BRSK2: variants seen among roughly 807,000 people sequenced by gnomAD.
BRSK2 encodes serine/threonine-protein kinase BRSK2.
In BRSK2, 19 loss-of-function variants were observed where a neutral mutation model predicts 83.3. The ratio of observed to expected loss-of-function variants is 0.23; its 90% confidence interval spans 0.16 to 0.33. The LOEUF (loss-of-function observed/expected upper bound fraction) is 0.33, where lower values mean the gene tolerates loss of function less well. Ranked by LOEUF, BRSK2 falls within the 10% of genes least tolerant of loss-of-function variation. The probability of loss-of-function intolerance (pLI) is 1.00; values close to 1 mark genes in which losing one functional copy is unlikely to be tolerated. For missense variants in BRSK2, 798 were observed against 1,042.3 expected, an observed-to-expected ratio of 0.77 and a Z score of 3.23; for synonymous variants, 519 against 435.4, an observed-to-expected ratio of 1.19 and a Z score of -2.39.
chr11:1,406,747 G>T (rs115819651), intron 1 of BRSK2, among the ~76,000 whole-genome samples: 4 of 152,186 alleles, frequency 2.6e-5, no homozygotes, highest in Non-Finnish European at 5.9e-5. Flanking sequence ...TGGGCCTGTC[G>T]CTGGGCCACA....
chr11:1,418,881 C>G (rs1036902161), intron 1 of BRSK2, among the ~76,000 whole-genome samples: 1 of 152,254 alleles, frequency 6.6e-6, no homozygotes, highest in African/African-American at 2.4e-5. Flanking sequence ...TCAGCTCTAA[C>G]ACATATCCAA....
Position 1,461,411 on chromosome 11 carries a change from C to G in BRSK2, c.*688C>G, listed in dbSNP as rs573546041. On this transcript the variant is annotated 3_prime_UTR_variant, in exon 20 of 20. Transcript: ENST00000528841. ...CTGCCTCCCGTCCTCTCGTCTCACC[C>G]GCGCCTCCCTTGCCTCATCTGGGGC... 1.2e-5 allele frequency: 3 copies of G among 257,112 alleles called. No individual in the cohort carries two copies. Among genetic ancestry groups the G allele is most frequent in the Admixed American group, 5.8e-5 (1 of 17,204 alleles). 15.9% of individuals were successfully genotyped at this position (257,112 alleles called of 1,614,324 possible).
At chr11:1,453,162 A>C (rs545633799) in intron 15 of BRSK2, among the ~76,000 whole-genome samples, 44 of 152,360 alleles carry the variant, frequency 2.9e-4, no homozygotes, top group Middle Eastern at 3.4e-3. Context: ...AGTTCGTCTC[A>C]TCTAAAAATA....
intron 14 of BRSK2, 84 bp downstream of exon 14, chr11:1,450,878 A>G: frequency 1.5e-6 from 2 of 1,346,330 alleles, no homozygotes; most frequent in Non-Finnish European, 2.0e-6. Flanking sequence ...GCAGTGCCAG[A>G]CCAGTCCGAG....
intron 16 of BRSK2, 105 bp from the exon 17 acceptor site, chr11:1,456,243 C>T (rs1846519705): frequency 8.1e-7 from 1 of 1,228,158 alleles, no homozygotes; most frequent in East Asian, 2.6e-5. Flanking sequence ...CCTGGGTGCT[C>T]ACAATGTGTG....
chr11:1,444,877 G>A (rs923501606), intron 8 of BRSK2, 94 bp from the exon 9 acceptor site: 147 of 1,158,092 alleles, frequency 1.3e-4, no homozygotes, highest in Admixed American at 1.4e-4. Context: ...TGCTCTCTCC[G>A]TGCTCCCAGC....
chr11:1,405,978 A>G (rs1006284677), intron 1 of BRSK2, among the ~76,000 whole-genome samples: 2 of 151,342 alleles, frequency 1.3e-5, no homozygotes, highest in Non-Finnish European at 2.9e-5. Flanking sequence ...AGACCCCCAC[A>G]AGCCCCCACA....
chr11:1,423,959 C>A lies in BRSK2; in HGVS notation c.92-12081C>A, dbSNP rs1248196831. The stretch of plus-strand genomic sequence containing the variant: ...CCCAGCCACACTTTCCTCGGCCTTT[C>A]TCTGATAGGAAGGCTGGTAGTTGGG... On this transcript the variant is annotated intron_variant, in intron 1 of 19. Coordinates refer to ENST00000528841, the MANE Select transcript of BRSK2 (RefSeq NM_001256627.2). The surrounding 1 kb of genome is among the most constrained non-coding windows in gnomAD (Gnocchi z 6.5). 6.6e-6 allele frequency among the ~76,000 whole-genome samples: 1 copy of A among 152,156 alleles called. No individual in the cohort carries two copies. The highest frequency in any genetic ancestry group is 2.1e-4 in the South Asian group (1 of 4,834).
intron 1 of BRSK2, among the ~76,000 whole-genome samples, chr11:1,414,743 T>C (rs1017532487): frequency 7.2e-5 from 11 of 152,340 alleles, no homozygotes; most frequent in African/African-American, 2.6e-4. Flanking sequence ...CACGTTCTCT[T>C]GCCCCTCCTC....
At chr11:1,394,925 G>C (rs1845973847) in intron 1 of BRSK2, among the ~76,000 whole-genome samples, 2 of 146,796 alleles carry the variant, frequency 1.4e-5, no homozygotes, top group Admixed American at 1.4e-4. Flanking sequence ...ATGGGTCCTG[G>C]AGATGGGTCC....
At chr11:1,429,087 GGTGC>G (rs1190351892) in intron 1 of BRSK2, among the ~76,000 whole-genome samples, 5 of 149,442 alleles carry the variant, frequency 3.3e-5, no homozygotes, top group African/African-American at 9.9e-5. Context: ...GTGTGTCCTG[GGTGC>G]GTGCATGTGT....
chr11:1,452,486 TC>T (rs2133216706), intron 15 of BRSK2, among the ~76,000 whole-genome samples: 1 of 152,320 alleles, frequency 6.6e-6, no homozygotes, highest in African/African-American at 2.4e-5. Context: ...GTGGAAAACA[TC>T]AAAGCCGAGA....
intron 12 of BRSK2, among the ~76,000 whole-genome samples, chr11:1,446,281 G>A (rs897559850): frequency 4.7e-5 from 7 of 149,940 alleles, no homozygotes; most frequent in African/African-American, 1.5e-4. Flanking sequence ...GGGTGGGCGG[G>A]GCTGGGCTGA....
intron 1 of BRSK2, chr11:1,411,475 G>C (rs1847490651): frequency 6.8e-7 from 1 of 1,473,942 alleles, no homozygotes; most frequent in South Asian, 1.4e-5. Flanking sequence ...TCCTCCCTCT[G>C]CTCCCCAAGA....
chr11:1,414,252 AG>A (rs1455485532), intron 1 of BRSK2, among the ~76,000 whole-genome samples: 2 of 152,232 alleles, frequency 1.3e-5, no homozygotes, highest in Non-Finnish European at 2.9e-5. Context: ...GCCGGGCAGG[AG>A]GAGGACGGCC....
intron 1 of BRSK2, among the ~76,000 whole-genome samples, chr11:1,405,504 A>G (rs1484702188): frequency 2.6e-5 from 4 of 152,106 alleles, no homozygotes; most frequent in Non-Finnish European, 5.9e-5. Context: ...GCCTGCAGCC[A>G]GCACCCCACA....
chr11:1,449,705 G>T, intron 12 of BRSK2, 71 bp from the exon 13 acceptor site: 1 of 1,383,044 alleles, frequency 7.2e-7, no homozygotes. Context: ...TACCTGGGGG[G>T]AGCAGAGCCC....
intron 1 of BRSK2, among the ~76,000 whole-genome samples, chr11:1,402,125 T>A (rs1846518287): frequency 6.6e-6 from 1 of 152,150 alleles, no homozygotes; most frequent in African/African-American, 2.4e-5. Context: ...AGGGTGCCCC[T>A]GCGTGTGGGT....
intron 18 of BRSK2, among the ~76,000 whole-genome samples, 154 bp from the exon 19 acceptor site, chr11:1,459,038 G>A (rs1590723238): frequency 6.6e-6 from 1 of 151,648 alleles, no homozygotes; most frequent in Non-Finnish European, 1.5e-5. Context: ...GCCCCCTCTG[G>A]CTCTGGCCCC....
Sources: gnomAD v4.1 joint callset for allele counts (sites outside exome capture counted in the v4.1 genomes callset) on GRCh38, gnomAD v4.1.1 for gene constraint, Gnocchi (gnomAD v3.1) non-coding constraint, MANE v1.5 for transcripts, NCBI Gene and HGNC (gene_info 2026-07-23, HGNC 2026-07-21) for gene names.